Variants in SMURF1 observed in about 807,000 individuals in gnomAD.
SMURF1 encodes the protein SMAD specific E3 ubiquitin protein ligase 1.
Under a neutral mutation model 98.0 loss-of-function variants are expected in SMURF1, and 44 were observed. The ratio of observed to expected loss-of-function variants is 0.45; its 90% CI spans 0.35 to 0.58. The LOEUF is 0.58. Among genes scored for constraint, SMURF1 ranks in the 20% least tolerant of loss-of-function variants. The pLI is 0.00. For synonymous variants in SMURF1, 396 were observed against 374.9 expected (o/e 1.06, Z -0.65); for missense variants, 687 against 938.4 (o/e 0.73, Z 3.50).
chr7:99,083,946 T>C (rs531607610), intron 1 of SMURF1, among the ~76,000 whole-genome samples: 53 of 152,376 alleles, frequency 3.5e-4, no homozygotes, highest in African/African-American at 1.3e-3. Context: ...ACTTGATCGA[T>C]ATTTGCTGAT....
chr7:99,063,232 AAGATT>A (rs61363334), intron 1 of SMURF1, among the ~76,000 whole-genome samples: 1,368 of 105,928 alleles, frequency 0.013, 133 homozygotes, highest in African/African-American at 0.051. Flanking sequence ...ATATATATAT[AAGATT>A]TATTTATATA....
intron 3 of SMURF1, among the ~76,000 whole-genome samples, chr7:99,059,553 G>A (rs1795981424): frequency 6.6e-6 from 1 of 151,948 alleles, no homozygotes; most frequent in African/African-American, 2.4e-5. Context: ...TTCTCTTGCA[G>A]AAAATATATA....
intron 1 of SMURF1, among the ~76,000 whole-genome samples, chr7:99,091,198 T>A (rs1459598910): frequency 1.3e-5 from 2 of 152,098 alleles, no homozygotes; most frequent in East Asian, 1.9e-4. Flanking sequence ...CCCACAAAAG[T>A]AAGAAAAATA....
At chr7:99,106,720 TG>T (rs1345743028) in intron 1 of SMURF1, among the ~76,000 whole-genome samples, 2 of 152,190 alleles carry the variant, frequency 1.3e-5, no homozygotes, top group African/African-American at 4.8e-5. Flanking sequence ...AAATCCAGCC[TG>T]GGCAATATAG....
chr7:99,093,365 C>T (rs1000138033), intron 1 of SMURF1, among the ~76,000 whole-genome samples: 3 of 152,184 alleles, frequency 2.0e-5, no homozygotes, highest in Middle Eastern at 3.2e-3. Flanking sequence ...TTTTCAAAGC[C>T]ACTCTCCTAC....
rs144475410 is a variant in SMURF1 at position 99,045,407 on chromosome 7, A to G, written c.1256+291T>C. 2.2e-5 allele frequency: 9 copies of G among 412,712 alleles called. No homozygotes were observed. The East Asian group carries it at 3.6e-4, about 17-fold the overall frequency. The allele number at this position is 412,712 out of a possible 1,614,324, so 25.6% of individuals were successfully genotyped here. A position where few individuals can be genotyped will look rare whatever the true frequency, so the allele number is the denominator to read the frequency against. On this transcript the variant is annotated intron_variant, in intron 11 of 17. Coordinates refer to ENST00000361368, the MANE Select transcript of SMURF1 (RefSeq NM_181349.3). ...TCAGGAGCATGCTCCTCATGTTTCA[A>G]AAGAAGGGAGTGAATTTAAAAGTTT... is the stretch of plus-strand genomic sequence containing the variant.
chr7:99,069,560 A>C (rs749408414), intron 1 of SMURF1, among the ~76,000 whole-genome samples: 33 of 152,050 alleles, frequency 2.2e-4, no homozygotes, highest in Non-Finnish European at 4.3e-4. Context: ...AGGTCTTACT[A>C]TGTTGCCCAG....
intron 13 of SMURF1, among the ~76,000 whole-genome samples, chr7:99,040,127 G>T (rs1203604821): frequency 6.6e-6 from 1 of 152,088 alleles, no homozygotes; most frequent in East Asian, 1.9e-4. Context: ...GATCTGGTGG[G>T]TTTTTTTGTA....
intron 1 of SMURF1, among the ~76,000 whole-genome samples, chr7:99,092,244 T>C (rs1796829260): frequency 6.6e-6 from 1 of 152,230 alleles, no homozygotes; most frequent in South Asian, 2.1e-4. Context: ...CCTTTCCATA[T>C]TGATATTCAC....
chr7:99,032,332 G>A (rs1378843419), intron 17 of SMURF1, among the ~76,000 whole-genome samples: 1 of 152,200 alleles, frequency 6.6e-6, no homozygotes, highest in Non-Finnish European at 1.5e-5. Context: ...TTGAGAATTG[G>A]CATAAATGAA....
intron 1 of SMURF1, 55 bp from the exon 2 acceptor site, chr7:99,061,892 A>T: frequency 1.5e-6 from 2 of 1,340,840 alleles, no homozygotes; most frequent in Non-Finnish European, 2.1e-6. Context: ...TTTCCATAAT[A>T]GCTAATCTAT....
intron 1 of SMURF1, among the ~76,000 whole-genome samples, chr7:99,073,427 G>A (rs567214776): frequency 2.7e-5 from 4 of 146,444 alleles, no homozygotes; most frequent in African/African-American, 1.0e-4. Flanking sequence ...GTTTCCAGTC[G>A]ATGTAGCTAA....
At chr7:99,097,449 G>A (rs535384050) in intron 1 of SMURF1, among the ~76,000 whole-genome samples, 6 of 152,170 alleles carry the variant, frequency 3.9e-5, no homozygotes, top group Non-Finnish European at 7.3e-5. Context: ...GGTCATGAAG[G>A]CTCTACTCGC....
chr7:99,131,615 A>G (rs1392382533), intron 1 of SMURF1, among the ~76,000 whole-genome samples: 1 of 152,146 alleles, frequency 6.6e-6, no homozygotes, highest in African/African-American at 2.4e-5. Flanking sequence ...ATGGTGGCTC[A>G]TGCTGAGGTG....
chr7:99,141,665 A>G (rs2150660348), intron 1 of SMURF1, among the ~76,000 whole-genome samples: 1 of 152,258 alleles, frequency 6.6e-6, no homozygotes, highest in Admixed American at 6.5e-5. Flanking sequence ...ATATCTTTAT[A>G]CAAAAAAACA....
intron 1 of SMURF1, among the ~76,000 whole-genome samples, chr7:99,133,721 C>G (rs1017519540): frequency 6.6e-6 from 1 of 152,140 alleles, no homozygotes; most frequent in Non-Finnish European, 1.5e-5. Flanking sequence ...AAATTCCAAA[C>G]AGCACTAGTC....
intron 14 of SMURF1, among the ~76,000 whole-genome samples, chr7:99,037,569 A>G (rs1249329998): frequency 6.6e-6 from 1 of 152,206 alleles, no homozygotes; most frequent in Admixed American, 6.5e-5. Flanking sequence ...ACAGTCTGAC[A>G]AACATGGGAA....
In SMURF1 at chr7:99,095,418, C is replaced by G. The variant is rs1385767627; in HGVS notation, c.56-33581G>C. Among the ~76,000 whole-genome samples the G allele has an allele frequency of 2.0e-5, 3 of 152,130 alleles. No individual in the cohort carries two copies. In the South Asian group the frequency reaches 6.2e-4, roughly 32 times the overall value. ...ATTTTAGTATCCATTTTAGCAACAT[C>G]CAGCCACACTGAGATGCCTGCTTGG... is the stretch of plus-strand genomic sequence containing the variant. On this transcript the variant is annotated intron_variant, in intron 1 of 17. Coordinates refer to ENST00000361368, the MANE Select transcript of SMURF1 (RefSeq NM_181349.3).
intron 1 of SMURF1, among the ~76,000 whole-genome samples, chr7:99,071,910 TAAA>T (rs558395939): frequency 7.0e-6 from 1 of 142,602 alleles, no homozygotes; most frequent in Admixed American, 7.1e-5. Flanking sequence ...CACTGTATCT[TAAA>T]AAAAAAAAAA....
Sources: gnomAD v4.1 joint callset for allele counts (sites outside exome capture counted in the v4.1 genomes callset) on GRCh38, gnomAD v4.1.1 for gene constraint, MANE v1.5 for transcripts, NCBI Gene and HGNC (gene_info 2026-07-23, HGNC 2026-07-21) for gene names.